EPHA3: variants seen among roughly 807,000 people sequenced by gnomAD.
EPHA3 encodes ephrin type-A receptor 3.
In EPHA3, 42 loss-of-function variants were observed where a neutral mutation model predicts 107.1. The ratio of observed to expected loss-of-function variants is 0.39; its 90% CI spans 0.31 to 0.51. The LOEUF (loss-of-function observed/expected upper bound fraction) is 0.51. Ranked by LOEUF, EPHA3 falls within the 20% of genes least tolerant of loss-of-function variation. The probability of loss-of-function intolerance (pLI) is 0.78; values close to 1 mark genes in which losing one functional copy is unlikely to be tolerated. For synonymous variants in EPHA3, 461 were observed against 424.8 expected (o/e 1.09, Z -1.05); for missense variants, 1,183 against 1,211.2 (o/e 0.98, Z 0.35).
At chr3:89,186,612 C>T (rs1705574405) in intron 2 of EPHA3, among the ~76,000 whole-genome samples, 1 of 152,062 alleles carries the variant, frequency 6.6e-6, no homozygotes, top group African/African-American at 2.4e-5. Flanking sequence ...AAATATTAAA[C>T]AGCTGGCAGA....
intron 3 of EPHA3, among the ~76,000 whole-genome samples, chr3:89,323,122 T>C (rs1247566494): frequency 3.9e-5 from 6 of 152,086 alleles, no homozygotes. Context: ...AAGGCAAATG[T>C]GGTTTAATAT....
At chr3:89,432,780 T>C (rs1420333318) in intron 13 of EPHA3, among the ~76,000 whole-genome samples, 6 of 152,150 alleles carry the variant, frequency 3.9e-5, no homozygotes, top group Non-Finnish European at 8.8e-5. Context: ...AATGGGATTA[T>C]ACTTTATATA....
At chr3:89,473,092 AGTT>A (rs1431908635) in intron 16 of EPHA3, among the ~76,000 whole-genome samples, 1 of 152,222 alleles carries the variant, frequency 6.6e-6, no homozygotes, top group Non-Finnish European at 1.5e-5. Context: ...TGGTTTTCAT[AGTT>A]GCTAAATAAA....
chr3:89,143,231 T>C (rs1273142402), intron 2 of EPHA3, among the ~76,000 whole-genome samples: 1 of 151,480 alleles, frequency 6.6e-6, no homozygotes, highest in Non-Finnish European at 1.5e-5. Flanking sequence ...TGTGTTTCTT[T>C]TGGAATATAC....
At chr3:89,202,132 TACAGA>T (rs1412685182) in intron 2 of EPHA3, among the ~76,000 whole-genome samples, 1 of 152,104 alleles carries the variant, frequency 6.6e-6, no homozygotes, top group Non-Finnish European at 1.5e-5. Flanking sequence ...GTACCTCAAA[TACAGA>T]ACATATTGTC....
intron 3 of EPHA3, among the ~76,000 whole-genome samples, chr3:89,249,279 T>C (rs964113262): frequency 6.6e-6 from 1 of 152,202 alleles, no homozygotes; most frequent in African/African-American, 2.4e-5. Context: ...GGTCCTGGCA[T>C]TGAGAAGCTT....
intron 15 of EPHA3, among the ~76,000 whole-genome samples, chr3:89,452,146 T>C (rs1710006220): frequency 6.6e-6 from 1 of 152,210 alleles, no homozygotes; most frequent in Non-Finnish European, 1.5e-5. Flanking sequence ...TTGGCTATTG[T>C]GAATAATGCT....
chr3:89,196,524 T>G (rs2107150800), intron 2 of EPHA3, among the ~76,000 whole-genome samples: 1 of 148,254 alleles, frequency 6.7e-6, no homozygotes, highest in South Asian at 2.1e-4. Context: ...GTTGAGTTAG[T>G]CAATGAAAGA....
At chr3:89,204,968 T>C (rs771277808) in intron 2 of EPHA3, among the ~76,000 whole-genome samples, 49 of 152,176 alleles carry the variant, frequency 3.2e-4, no homozygotes, top group Admixed American at 1.6e-3. Context: ...AGCGCAGAAA[T>C]TGGTGTTTCT....
At chr3:89,349,076 A>C (rs1302657451) in intron 5 of EPHA3, among the ~76,000 whole-genome samples, 1 of 42,822 alleles carries the variant, frequency 2.3e-5, no homozygotes, top group African/African-American at 1.1e-4. Context: ...GTGGTGCTGA[A>C]AAAAATGTAT....
intron 3 of EPHA3, among the ~76,000 whole-genome samples, chr3:89,280,157 A>G (rs1398534): frequency 0.22 from 34,121 of 152,034 alleles, 4,239 homozygotes; most frequent in Non-Finnish European, 0.27. Flanking sequence ...AAAATTACAG[A>G]TATTTATTTC....
At position 89,127,222 on chromosome 3, in the gene EPHA3, T is replaced by C. The variant is rs1458762152; in HGVS notation, c.102T>C (p.Asp34=). 2 of 1,612,168 alleles carry C rather than the reference T, an allele frequency of 1.2e-6. No homozygotes were observed. The highest frequency in any genetic ancestry group is 1.7e-6 in the Non-Finnish European group (2 of 1,178,518). Residue 34 remains aspartate (D), a synonymous_variant, in exon 2 of 17, where the codon GAT becomes GAC. Transcript: ENST00000336596. The part of the protein sequence containing the change: ...PQPSNEVNLL[D]SKTIQGELGW... ...GTTTTATTTTAGTCAATCTACTGGA[T>C]TCAAAAACAATTCAAGGGGAGCTGG...
chr3:89,476,207 G>GTA (rs1245915736), intron 16 of EPHA3, among the ~76,000 whole-genome samples: 2 of 146,190 alleles, frequency 1.4e-5, no homozygotes, highest in South Asian at 2.1e-4. Flanking sequence ...ATATAAACAT[G>GTA]TATATATATA....
At chr3:89,125,835 G>A (rs1704086383) in intron 1 of EPHA3, among the ~76,000 whole-genome samples, 1 of 151,516 alleles carries the variant, frequency 6.6e-6, no homozygotes, top group African/African-American at 2.4e-5. Context: ...CAAAATTTTA[G>A]TACTGCTTGA....
chr3:89,162,018 AT>A (rs911296364), intron 2 of EPHA3, among the ~76,000 whole-genome samples: 15 of 150,716 alleles, frequency 1.0e-4, no homozygotes, highest in Non-Finnish European at 7.4e-5. Context: ...ATAAATAATA[AT>A]AAATAATAAA....
chr3:89,152,262 TAA>T (rs1163505936), intron 2 of EPHA3, among the ~76,000 whole-genome samples: 3 of 152,064 alleles, frequency 2.0e-5, no homozygotes, highest in Admixed American at 6.6e-5. Flanking sequence ...ACAACATACA[TAA>T]GTCACCTATA....
At chr3:89,349,630 T>G (rs1707757015) in intron 5 of EPHA3, among the ~76,000 whole-genome samples, 3 of 139,922 alleles carry the variant, frequency 2.1e-5, no homozygotes, top group Admixed American at 1.4e-4. Context: ...AAAGTTAATA[T>G]TGTTATGTGT....
At chr3:89,431,003 G>A (rs1709555552) in intron 12 of EPHA3, 147 bp from the exon 13 acceptor site, 1 of 679,626 alleles carries the variant, frequency 1.5e-6, no homozygotes, top group South Asian at 2.0e-5. Context: ...GTATCCATTT[G>A]CCACATATCT....
intron 2 of EPHA3, among the ~76,000 whole-genome samples, chr3:89,162,196 A>T (rs1225510528): frequency 3.3e-5 from 5 of 152,000 alleles, no homozygotes; most frequent in Admixed American, 6.5e-5. Flanking sequence ...TGGGGATAAC[A>T]TGTAGAAAGT....
Sources: gnomAD v4.1 joint callset for allele counts (sites outside exome capture counted in the v4.1 genomes callset) on GRCh38, gnomAD v4.1.1 for gene constraint, MANE v1.5 for transcripts, NCBI Gene and HGNC (gene_info 2026-07-23, HGNC 2026-07-21) for gene names.